Variants in SPATS2 observed in about 807,000 individuals in gnomAD.
SPATS2 encodes the protein spermatogenesis associated serine rich 2.
SPATS2 carries 38 observed loss-of-function variants against 63.7 expected under a neutral mutation model. The ratio of observed to expected loss-of-function variants is 0.60; its 90% CI spans 0.46 to 0.78. The LOEUF (loss-of-function observed/expected upper bound fraction) is 0.78. Among genes scored for constraint, SPATS2 ranks in the 30% least tolerant of loss-of-function variants. SPATS2 has a pLI of 0.00. For missense variants in SPATS2, 588 were observed against 666.2 expected, an observed-to-expected ratio of 0.88 and a Z score of 1.29; for synonymous variants, 207 against 232.9, an observed-to-expected ratio of 0.89 and a Z score of 1.01.
intron 9 of SPATS2, among the ~76,000 whole-genome samples, chr12:49,504,736 T>C (rs1035305093): frequency 0.012 from 6 of 516 alleles, no homozygotes; most frequent in South Asian, 0.05. Flanking sequence ...ATTGGCGCGT[T>C]TTTTTTTTTC....
rs572119924 is a variant in SPATS2 at position 49,448,140 on chromosome 12, CT to C, written c.-243-12614del. On this transcript the variant is annotated intron_variant, in intron 2 of 13. Transcript: ENST00000552918. ...GATGTGTTATATTTTTATTTTCTTT[CT>C]TTTTTTTTTTTTTTTAGACCGAGTC... 2.1e-3 allele frequency among the ~76,000 whole-genome samples: 273 copies of C among 132,102 alleles called. 1 individual carries two copies. Among genetic ancestry groups the C allele is most frequent in the Middle Eastern group, 4.3e-3 (1 of 230 alleles). The allele number at this position is 132,102 out of a possible 152,430, so 86.7% of individuals were successfully genotyped here.
At chr12:49,481,386 C>G (rs1316017255) in intron 3 of SPATS2, among the ~76,000 whole-genome samples, 1 of 150,016 alleles carries the variant, frequency 6.7e-6, no homozygotes, top group Non-Finnish European at 1.5e-5. Flanking sequence ...GAAATAATTC[C>G]AAAAAAACTT....
chr12:49,385,719 G>A (rs1034351670), intron 2 of SPATS2, among the ~76,000 whole-genome samples: 10 of 152,194 alleles, frequency 6.6e-5, no homozygotes, highest in African/African-American at 1.9e-4. Flanking sequence ...AGAGGAAAAG[G>A]TGTGAAATTG....
At chr12:49,421,604 TCTAAAAGGTTTTCCC>T (rs1944985764) in intron 2 of SPATS2, among the ~76,000 whole-genome samples, 1 of 152,086 alleles carries the variant, frequency 6.6e-6, no homozygotes. Context: ...CATTTTAAAG[TCTAAAAGGTTTTCCC>T]CTACATCATA....
chr12:49,424,128 G>T (rs1284958424), intron 2 of SPATS2, among the ~76,000 whole-genome samples: 1 of 152,058 alleles, frequency 6.6e-6, no homozygotes, highest in Non-Finnish European at 1.5e-5. Context: ...ACTTGAACCC[G>T]AGAGGTGGAG....
At position 49,526,804 on chromosome 12, in the gene SPATS2, G is replaced by A. The variant is rs1040111999; in HGVS notation, c.*549G>A. 6.5e-6 allele frequency: 1 copy of A among 153,236 alleles called. No individual in the cohort carries two copies. Among genetic ancestry groups the A allele is most frequent in the Non-Finnish European group, 1.5e-5 (1 of 68,884 alleles). The allele number at this position is 153,236 out of a possible 1,614,324, so 9.5% of individuals were successfully genotyped here. ...CTGGAGATTTGACACTCAAATCAGT[G>A]TTTAGTCTTCTGCTTGGCACCATAG... On this transcript the variant is annotated 3_prime_UTR_variant, in exon 14 of 14. Coordinates refer to ENST00000552918, the MANE Select transcript of SPATS2 (RefSeq NM_023071.4).
Position 49,526,421 on chromosome 12 carries a change from A to G in SPATS2, c.*166A>G, listed in dbSNP as rs1242627510. 2.4e-6 allele frequency: 2 copies of G among 827,248 alleles called. No homozygotes were observed. The highest frequency in any genetic ancestry group is 3.6e-6 in the Non-Finnish European group (2 of 554,566). 51.2% of individuals were successfully genotyped at this position (827,248 alleles called of 1,614,324 possible). A position where few individuals can be genotyped will look rare whatever the true frequency, so the allele number is the denominator to read the frequency against. ...CTTGTCTCCTTATTTCCTCTTTACC[A>G]TTTTTGGAGGGGAAGCTATTTTTTT... is the stretch of plus-strand genomic sequence containing the variant. On this transcript the variant is annotated 3_prime_UTR_variant, in exon 14 of 14. Transcript: ENST00000552918.
At chr12:49,398,135 CAA>C (rs71080193) in intron 2 of SPATS2, among the ~76,000 whole-genome samples, 9 of 45,384 alleles carry the variant, frequency 2.0e-4, no homozygotes, top group African/African-American at 6.6e-4. Flanking sequence ...GACCCTGTCT[CAA>C]AAAAAAAAAA....
chr12:49,472,458 C>G (rs980165690), intron 3 of SPATS2, among the ~76,000 whole-genome samples: 1 of 150,964 alleles, frequency 6.6e-6, no homozygotes, highest in Non-Finnish European at 1.5e-5. Context: ...AATGAAAAGG[C>G]AAGTTACAGA....
At chr12:49,421,389 C>T (rs1222215074) in intron 2 of SPATS2, among the ~76,000 whole-genome samples, 2 of 131,802 alleles carry the variant, frequency 1.5e-5, no homozygotes, top group African/African-American at 5.7e-5. Flanking sequence ...CTCACTCCAG[C>T]CTGGGCAACA....
chr12:49,434,593 TA>T (rs1351674609), intron 2 of SPATS2, among the ~76,000 whole-genome samples: 13 of 152,210 alleles, frequency 8.5e-5, no homozygotes, highest in South Asian at 2.1e-4. Context: ...TAAAGAACAA[TA>T]AGAGTGATAA....
intron 2 of SPATS2, among the ~76,000 whole-genome samples, chr12:49,458,236 G>C (rs1036098523): frequency 7.2e-5 from 11 of 152,084 alleles, no homozygotes; most frequent in African/African-American, 2.2e-4. Context: ...AGGAGGCGGA[G>C]GCAGACTGAT....
chr12:49,491,740 C>T (rs1946386311), intron 6 of SPATS2, among the ~76,000 whole-genome samples: 1 of 152,152 alleles, frequency 6.6e-6, no homozygotes, highest in African/African-American at 2.4e-5. Context: ...CTAATAAATA[C>T]AAATACATAA....
At chr12:49,513,047 C>T in intron 9 of SPATS2, 1 of 580,232 alleles carries the variant, frequency 1.7e-6, no homozygotes, top group Non-Finnish European at 2.7e-6. Context: ...TAACGATTAT[C>T]AAACCTATGT....
chr12:49,476,742 T>C (rs1027633545), intron 3 of SPATS2, among the ~76,000 whole-genome samples: 1 of 152,114 alleles, frequency 6.6e-6, no homozygotes, highest in Non-Finnish European at 1.5e-5. Context: ...TTGTGAAAGG[T>C]GGACTGACTT....
At chr12:49,436,955 G>A (rs1227013013) in intron 2 of SPATS2, among the ~76,000 whole-genome samples, 7 of 144,268 alleles carry the variant, frequency 4.9e-5, no homozygotes, top group African/African-American at 1.8e-4. Flanking sequence ...GGCCGGGCAG[G>A]GGGCTAACCC....
At chr12:49,452,200 TCA>T (rs1286202294) in intron 2 of SPATS2, among the ~76,000 whole-genome samples, 2 of 152,228 alleles carry the variant, frequency 1.3e-5, no homozygotes, top group Non-Finnish European at 2.9e-5. Flanking sequence ...CTCTTTCACA[TCA>T]CTTCTTCTGG....
At chr12:49,409,021 A>AG (rs146483403) in intron 2 of SPATS2, among the ~76,000 whole-genome samples, 14,025 of 152,218 alleles carry the variant, frequency 0.092, 761 homozygotes, top group African/African-American at 0.14. Context: ...ATTATGCTAA[A>AG]GTTGGACAGA....
chr12:49,439,922 A>C (rs1003322189), intron 2 of SPATS2, among the ~76,000 whole-genome samples: 2 of 152,178 alleles, frequency 1.3e-5, no homozygotes, highest in Non-Finnish European at 2.9e-5. Context: ...ATGTTGTAGA[A>C]GTTTCATCAG....
Sources: gnomAD v4.1 joint callset for allele counts (sites outside exome capture counted in the v4.1 genomes callset) on GRCh38, gnomAD v4.1.1 for gene constraint, MANE v1.5 for transcripts, NCBI Gene and HGNC (gene_info 2026-07-23, HGNC 2026-07-21) for gene names.